The following FAT4 variants were observed in gnomAD, a reference collection of about 807,000 sequenced individuals.
FAT4 encodes protocadherin Fat 4.
FAT4 carries 84 observed loss-of-function variants against 303.9 expected under a neutral mutation model. The observed-to-expected ratio is 0.28, with a 90% CI of 0.23 to 0.33. FAT4 has a LOEUF of 0.33. Ranked by LOEUF, FAT4 falls within the 10% of genes least tolerant of loss-of-function variation. The pLI is 1.00. For missense variants in FAT4, 6,005 were observed against 6,146.8 expected (o/e 0.98, Z 0.77); for synonymous variants, 2,307 against 2,298.8 (o/e 1.00, Z -0.10).
At chr4:125,425,113 G>C (rs1473432415) in intron 7 of FAT4, among the ~76,000 whole-genome samples, 1 of 152,158 alleles carries the variant, frequency 6.6e-6, no homozygotes, top group Non-Finnish European at 1.5e-5. Context: ...ATAAACATTA[G>C]ATGATATTCA....
At chr4:125,458,871 G>A (rs536925556) in intron 10 of FAT4, among the ~76,000 whole-genome samples, 15 of 151,976 alleles carry the variant, frequency 9.9e-5, no homozygotes, top group African/African-American at 3.1e-4. Flanking sequence ...AAGCCATAAG[G>A]CTATTGAACA....
chr4:125,381,099 G>T (rs1278860150), intron 2 of FAT4, among the ~76,000 whole-genome samples: 1 of 152,134 alleles, frequency 6.6e-6, no homozygotes, highest in African/African-American at 2.4e-5. Context: ...GATGGACTAT[G>T]CATTCTTAGT....
chr4:125,396,871 T>C (rs1391308473), intron 2 of FAT4, among the ~76,000 whole-genome samples: 2 of 150,894 alleles, frequency 1.3e-5, no homozygotes, highest in Admixed American at 1.3e-4. Context: ...AAAGTGAAGA[T>C]ATTTAGTAAT....
At chr4:125,371,148 C>CAAA (rs1197394937) in intron 2 of FAT4, among the ~76,000 whole-genome samples, 6 of 97,918 alleles carry the variant, frequency 6.1e-5, no homozygotes, top group African/African-American at 8.0e-5. Flanking sequence ...AACTCCATCT[C>CAAA]AAAAAAAAAA....
intron 9 of FAT4, among the ~76,000 whole-genome samples, chr4:125,447,658 G>A (rs1725871685): frequency 6.6e-6 from 1 of 152,016 alleles, no homozygotes; most frequent in African/African-American, 2.4e-5. Flanking sequence ...TTCTTCTGTA[G>A]GGGTGAGAGT....
In FAT4 at chr4:125,316,411, C is replaced by A. The variant is rs1366276364; in HGVS notation, c.-1C>A. On this transcript the variant is annotated 5_prime_UTR_variant, in exon 2 of 18. Coordinates refer to ENST00000394329, the MANE Select transcript of FAT4 (RefSeq NM_001291303.3). The surrounding 1 kb of genome is among the most constrained non-coding windows in gnomAD (Gnocchi z 5.7). ...TCACATCGTTTTAGGGAGCCAGGACCATGGACTTAGCACCAGACAGGGCTA... is the reference window on the plus strand; with the variant it reads ...TCACATCGTTTTAGGGAGCCAGGACAATGGACTTAGCACCAGACAGGGCTA... 3 of 1,605,124 alleles carry A rather than the reference C, an allele frequency of 1.9e-6. No homozygotes were observed. The highest frequency in any genetic ancestry group is 2.6e-6 in the Non-Finnish European group (3 of 1,174,218).
At chr4:125,376,675 G>A (rs951427439) in intron 2 of FAT4, among the ~76,000 whole-genome samples, 5 of 152,190 alleles carry the variant, frequency 3.3e-5, no homozygotes, top group East Asian at 1.9e-4. Flanking sequence ...TGAGATAGGC[G>A]GATCACCTGA....
intron 2 of FAT4, among the ~76,000 whole-genome samples, chr4:125,372,819 C>G (rs994310631): frequency 2.8e-4 from 43 of 152,052 alleles, no homozygotes; most frequent in African/African-American, 1.0e-3. Context: ...TCATTGTAGA[C>G]ATGGAAATAA....
intron 16 of FAT4, among the ~76,000 whole-genome samples, chr4:125,483,817 G>A (rs1727309203): frequency 6.6e-6 from 1 of 151,916 alleles, no homozygotes; most frequent in African/African-American, 2.4e-5. Context: ...AGTGGCTGTT[G>A]TAAGCAGGCA....
At chr4:125,377,990 A>C (rs9994504) in intron 2 of FAT4, among the ~76,000 whole-genome samples, 22,771 of 152,032 alleles carry the variant, frequency 0.15, 2,095 homozygotes, top group African/African-American at 0.27. Flanking sequence ...ACGTATGCCC[A>C]GGGTTGTATT....
intron 11 of FAT4, among the ~76,000 whole-genome samples, chr4:125,464,642 A>G (rs1011460912): frequency 7.9e-5 from 12 of 152,096 alleles, no homozygotes; most frequent in East Asian, 3.9e-4. Context: ...TACATTAGGT[A>G]TTTCTCCTAA....
chr4:125,442,838 A>G (rs1725704804), intron 8 of FAT4, among the ~76,000 whole-genome samples: 1 of 152,132 alleles, frequency 6.6e-6, no homozygotes, highest in Non-Finnish European at 1.5e-5. Context: ...CATATATATT[A>G]TATAGGTCCT....
At chr4:125,460,840 A>C (rs750765246) in intron 10 of FAT4, among the ~76,000 whole-genome samples, 3 of 152,112 alleles carry the variant, frequency 2.0e-5, no homozygotes, top group Non-Finnish European at 4.4e-5. Flanking sequence ...TTCTGCTTTT[A>C]GCTCTTGAGG....
At chr4:125,445,787 A>G (rs1725804359) in intron 8 of FAT4, among the ~76,000 whole-genome samples, 1 of 152,170 alleles carries the variant, frequency 6.6e-6, no homozygotes, top group Admixed American at 6.6e-5. Context: ...CTTTGTATAA[A>G]TAATCAGTCC....
Position 125,492,899 on chromosome 4 carries a change from G to A in FAT4, c.*1131G>A, listed in dbSNP as rs1336720587. On this transcript the variant is annotated 3_prime_UTR_variant, in exon 18 of 18. Coordinates refer to ENST00000394329, the MANE Select transcript of FAT4 (RefSeq NM_001291303.3). Reference sequence around the variant, plus strand: ...TACTGTATGCTTTCTACTTGTAAATGTCAACAATAGAATTAAAATATTTAT... The same window carrying A: ...TACTGTATGCTTTCTACTTGTAAATATCAACAATAGAATTAAAATATTTAT... 1 of 152,260 alleles carries A rather than the reference G, an allele frequency of 6.6e-6. No individual in the cohort carries two copies. Among genetic ancestry groups the A allele is most frequent in the African/African-American group, 2.4e-5 (1 of 41,346 alleles). The allele number at this position is 152,260 out of a possible 1,614,324, so 9.4% of individuals were successfully genotyped here.
intron 8 of FAT4, among the ~76,000 whole-genome samples, chr4:125,441,987 C>A (rs1463767428): frequency 6.6e-6 from 1 of 152,156 alleles, no homozygotes; most frequent in Non-Finnish European, 1.5e-5. Flanking sequence ...CACAGCCATG[C>A]CCATTCATGT....
Position 125,321,197 on chromosome 4 carries a change from A to C in FAT4, c.4786A>C (p.Ile1596Leu). ...VASALVPSQL[I>L]YNLIVSATDL... ...TTCAGCGTTGGTGCCTTCACAGTTG[A>C]TCTACAATCTCATAGTTTCAGCAAC... Residue 1596 changes from isoleucine (I) to leucine (L), a missense_variant, in exon 2 of 18, where the codon ATC becomes CTC. Ile to Leu is a conservative substitution (Grantham distance 5, BLOSUM62 2). Transcript: ENST00000394329. The C allele has an allele frequency of 6.2e-7, 1 of 1,614,062 alleles. No homozygotes were observed.
intron 3 of FAT4, among the ~76,000 whole-genome samples, chr4:125,404,307 A>G (rs1288566086): frequency 1.3e-5 from 2 of 152,144 alleles, no homozygotes; most frequent in African/African-American, 4.8e-5. Flanking sequence ...ACTAGTCCAT[A>G]CTGCAATATC....
chr4:125,397,407 A>G (rs1453959425), intron 2 of FAT4, among the ~76,000 whole-genome samples: 1 of 152,094 alleles, frequency 6.6e-6, no homozygotes, highest in African/African-American at 2.4e-5. Context: ...GAAGTTGGAA[A>G]TGCATCTTCC....
Sources: gnomAD v4.1 joint callset for allele counts (sites outside exome capture counted in the v4.1 genomes callset) on GRCh38, gnomAD v4.1.1 for gene constraint, Gnocchi (gnomAD v3.1) non-coding constraint, MANE v1.5 for transcripts, NCBI Gene and HGNC (gene_info 2026-07-23, HGNC 2026-07-21) for gene names.